NEGR1: variants seen among roughly 807,000 people sequenced by gnomAD.
NEGR1 encodes IgLON family member 4.
A neutral mutation model predicts 40.9 loss-of-function variants in NEGR1; 10 were observed. That is an observed-to-expected ratio of 0.24 (90% CI 0.15 to 0.42). The LOEUF is 0.42. NEGR1 is among the 10% of genes least tolerant of loss of function. The pLI, the probability that NEGR1 is intolerant of heterozygous loss-of-function variation, is 1.00. For synonymous variants in NEGR1, 185 were observed against 166.8 expected, an observed-to-expected ratio of 1.11 and a Z score of -0.84; for missense variants, 352 against 438.9, an observed-to-expected ratio of 0.80 and a Z score of 1.77.
chr1:71,419,073 A>G (rs1336483626), intron 6 of NEGR1, among the ~76,000 whole-genome samples: 3 of 152,184 alleles, frequency 2.0e-5, no homozygotes, highest in African/African-American at 7.2e-5. Context: ...GGTCCCTAGT[A>G]GGATGGAGTC....
At chr1:72,275,022 A>C in intron 1 of NEGR1, 3 of 1,530,328 alleles carry the variant, frequency 2.0e-6, no homozygotes, top group Non-Finnish European at 2.7e-6. Flanking sequence ...CTGAGAAGGA[A>C]ATCAGACCAG....
rs71074804 is a variant in NEGR1, at chr1:71,759,596, C to CTTTTTTTTTTTTTTTTT, written c.535+16559_535+16575dup. Among the ~76,000 whole-genome samples the CTTTTTTTTTTTTTTTTT allele has an allele frequency of 1.9e-4, 6 of 31,952 alleles. 3 individuals are homozygous for CTTTTTTTTTTTTTTTTT. The highest frequency in any genetic ancestry group is 1.2e-3 in the Admixed American group (2 of 1,606). The allele number at this position is 31,952 out of a possible 152,430, so 21.0% of individuals were successfully genotyped here. ...ACAGGCGTGAGCCACTGCGTCCAGG[C>CTTTTTTTTTTTTTTTTT]TTTTTTTTTTTTTTTTTTTTTTTTT... On this transcript the variant is annotated intron_variant, in intron 3 of 6. Coordinates refer to ENST00000357731, the MANE Select transcript of NEGR1 (RefSeq NM_173808.3).
intron 3 of NEGR1, among the ~76,000 whole-genome samples, chr1:71,757,151 T>C (rs1655773590): frequency 6.6e-6 from 1 of 152,100 alleles, no homozygotes; most frequent in African/African-American, 2.4e-5. Context: ...CTGTCAAAAT[T>C]AGCTTTTCAC....
intron 1 of NEGR1, among the ~76,000 whole-genome samples, chr1:71,954,541 A>G (rs1646103187): frequency 6.6e-6 from 1 of 151,992 alleles, no homozygotes; most frequent in Non-Finnish European, 1.5e-5. Flanking sequence ...TACCTGAAAA[A>G]AAGGAGGCTG....
chr1:71,425,268 C>T (rs975093319), intron 6 of NEGR1, among the ~76,000 whole-genome samples: 6 of 152,056 alleles, frequency 3.9e-5, no homozygotes, highest in Admixed American at 2.6e-4. Context: ...TAGGCAAGGC[C>T]GAATCTCTCT....
intron 2 of NEGR1, among the ~76,000 whole-genome samples, chr1:71,850,174 G>C (rs1422498281): frequency 2.0e-5 from 3 of 150,680 alleles, no homozygotes; most frequent in African/African-American, 7.3e-5. Flanking sequence ...TGTTTGTTTT[G>C]AGATGAGTTT....
chr1:71,767,764 C>T lies in NEGR1; in HGVS notation c.535+8408G>A, dbSNP rs150590952. ...GCTCCTCCCATCACAGACCTGGAGG[C>T]CTACCAAGGAAGAATGATTTTGTGG... On this transcript the variant is annotated intron_variant, in intron 3 of 6. Coordinates refer to ENST00000357731, the MANE Select transcript of NEGR1 (RefSeq NM_173808.3). Among the ~76,000 whole-genome samples, 668 of 152,312 alleles carry T rather than the reference C, an allele frequency of 4.4e-3. 5 individuals are homozygous for T. The highest frequency in any genetic ancestry group is 0.015 in the African/African-American group (633 of 41,570).
At chr1:71,956,972 A>AT (rs941702360) in intron 1 of NEGR1, among the ~76,000 whole-genome samples, 1 of 152,158 alleles carries the variant, frequency 6.6e-6, no homozygotes, top group Non-Finnish European at 1.5e-5. Context: ...TTCTACTTCC[A>AT]TGTGCATATA....
At chr1:71,804,234 A>G (rs1016970867) in intron 2 of NEGR1, among the ~76,000 whole-genome samples, 18 of 152,192 alleles carry the variant, frequency 1.2e-4, no homozygotes, top group East Asian at 3.9e-4. Context: ...CATGTTTTAT[A>G]AAGTTGATAA....
At chr1:71,895,899 A>G (rs1249208634) in intron 2 of NEGR1, among the ~76,000 whole-genome samples, 1 of 152,146 alleles carries the variant, frequency 6.6e-6, no homozygotes, top group East Asian at 1.9e-4. Flanking sequence ...ACTATTTTAT[A>G]TATCAAGGTA....
chr1:72,260,280 G>A (rs1655412815), intron 1 of NEGR1, among the ~76,000 whole-genome samples: 1 of 151,956 alleles, frequency 6.6e-6, no homozygotes. Context: ...TCCATCCTTG[G>A]TTTCAGCCAA....
intron 6 of NEGR1, among the ~76,000 whole-genome samples, chr1:71,583,478 T>C (rs1222280477): frequency 6.6e-6 from 1 of 152,166 alleles, no homozygotes; most frequent in Non-Finnish European, 1.5e-5. Flanking sequence ...AAATAAACCC[T>C]TTCAATTTAT....
rs563258928 is a variant in NEGR1, at chr1:71,985,224, C to T, written c.177-49913G>A. Among the ~76,000 whole-genome samples the T allele has an allele frequency of 2.4e-4, 36 of 152,030 alleles. No individual in the cohort carries two copies. The South Asian group carries it at 6.0e-3, about 26-fold the overall frequency. On this transcript the variant is annotated intron_variant, in intron 1 of 6. Coordinates refer to ENST00000357731, the MANE Select transcript of NEGR1 (RefSeq NM_173808.3). ...ATCATAATCATAAATAAAAAGCAGC[C>T]GGAAGTATAGCAATGTGTGAAGTGT...
chr1:71,799,390 C>A (rs974094428), intron 2 of NEGR1, among the ~76,000 whole-genome samples: 2 of 152,112 alleles, frequency 1.3e-5, no homozygotes, highest in East Asian at 1.9e-4. Context: ...TTTTTTATGG[C>A]TAAATAGTAT....
chr1:72,192,067 T>C (rs547408566), intron 1 of NEGR1, among the ~76,000 whole-genome samples: 1 of 152,032 alleles, frequency 6.6e-6, no homozygotes, highest in Non-Finnish European at 1.5e-5. Flanking sequence ...TTTTGGAACA[T>C]TATAAACATT....
chr1:71,446,010 AT>A (rs762304352), intron 6 of NEGR1, among the ~76,000 whole-genome samples: 6 of 152,330 alleles, frequency 3.9e-5, no homozygotes, highest in East Asian at 1.9e-4. Flanking sequence ...TTTTTAAGAA[AT>A]TGTCAAAAGG....
chr1:71,634,603 T>C (rs895781713), intron 4 of NEGR1, among the ~76,000 whole-genome samples: 6 of 152,152 alleles, frequency 3.9e-5, no homozygotes, highest in African/African-American at 1.2e-4. Flanking sequence ...CAAATTCTGT[T>C]TCTCTTTTAT....
chr1:71,721,676 T>C (rs759178531), intron 3 of NEGR1, among the ~76,000 whole-genome samples: 8 of 152,098 alleles, frequency 5.3e-5, no homozygotes, highest in Non-Finnish European at 1.0e-4. Flanking sequence ...TAAATACCAG[T>C]AGCAGTCAAC....
At chr1:72,099,619 T>G (rs1648851214) in intron 1 of NEGR1, among the ~76,000 whole-genome samples, 1 of 152,002 alleles carries the variant, frequency 6.6e-6, no homozygotes, top group Admixed American at 6.6e-5. Context: ...TGGTGAAAAC[T>G]TTTCTCCTCA....
Sources: allele counts gnomAD v4.1 joint callset (sites outside exome capture counted in the v4.1 genomes callset), GRCh38; gene constraint gnomAD v4.1.1; transcripts MANE v1.5; gene names NCBI Gene and HGNC (gene_info 2026-07-23, HGNC 2026-07-21).